The following FES variants were observed in gnomAD, a reference collection of about 807,000 sequenced individuals.
FES encodes FES proto-oncogene, tyrosine kinase, also known as tyrosine-protein kinase Fes/Fps.
In FES, 83 loss-of-function variants were observed where a neutral mutation model predicts 109.6. That is an observed-to-expected ratio of 0.76 (90% confidence interval 0.63 to 0.91). The LOEUF (loss-of-function observed/expected upper bound fraction) is 0.91, where lower values mean the gene tolerates loss of function less well. Among genes scored for constraint, FES ranks in the 40% least tolerant of loss-of-function variants. FES has a pLI of 0.00. For missense variants in FES, 943 were observed against 1,070.9 expected (o/e 0.88, Z 1.67); for synonymous variants, 458 against 442.1 (o/e 1.04, Z -0.45).
rs779639535 is a variant in FES at position 90,887,395 on chromosome 15, G to GC, written c.668+30dup. The GC allele has an allele frequency of 3.2e-6, 5 of 1,585,944 alleles. No individual in the cohort carries two copies. In the African/African-American group the frequency reaches 6.7e-5, roughly 21 times the overall value. On this transcript the variant is annotated intron_variant, in intron 5 of 18. Coordinates refer to ENST00000328850, the MANE Select transcript of FES (RefSeq NM_002005.4). The stretch of plus-strand genomic sequence containing the variant: ...TGTAAGCCCGCAGCCCCGTCCCCTG[G>GC]CCCCCACCCTTGAGCAGCCCTAAGC...
chr15:90,895,634 T>C lies in FES; in HGVS notation c.*76T>C. 7.5e-7 allele frequency: 1 copy of C among 1,337,350 alleles called. No individual in the cohort carries two copies. Among genetic ancestry groups the C allele is most frequent in the Non-Finnish European group, 9.9e-7 (1 of 1,005,068 alleles). 82.8% of individuals were successfully genotyped at this position (1,337,350 alleles called of 1,614,324 possible). On this transcript the variant is annotated 3_prime_UTR_variant, in exon 19 of 19. Coordinates refer to ENST00000328850, the MANE Select transcript of FES (RefSeq NM_002005.4). ...TCCTCAGCGGCTCCAGCTCATATGC[T>C]GACAGCTCTTCACAGTCCTGGACTC... is the stretch of plus-strand genomic sequence containing the variant.
intron 16 of FES, 21 bp downstream of exon 16, chr15:90,893,435 G>A (rs772131167): frequency 1.3e-6 from 2 of 1,526,502 alleles, no homozygotes; most frequent in Admixed American, 2.2e-5. Context: ...GGTGGCCACG[G>A]GCCCTGCCAA....
intron 10 of FES, 86 bp from the exon 11 acceptor site, chr15:90,890,896 A>AG (rs2033149813): frequency 1.5e-6 from 2 of 1,308,674 alleles, no homozygotes; most frequent in Admixed American, 2.0e-5. Flanking sequence ...GAGGGCATAT[A>AG]GGGGGGAGAG....
intron 3 of FES, among the ~76,000 whole-genome samples, chr15:90,885,925 AGTCT>A (rs1450941914): frequency 2.0e-5 from 3 of 151,930 alleles, no homozygotes. Context: ...AATGAGGGTC[AGTCT>A]GTTTGCCTTC....
At position 90,885,074 on chromosome 15, in the gene FES, C is replaced by T. The variant is rs2032437325; in HGVS notation, c.29C>T (p.Pro10Leu). Residue 10 changes from proline (P) to leucine (L), a missense_variant, in exon 2 of 19, where the codon CCC (proline) becomes CTC (leucine). Pro to Leu is a moderately conservative substitution (Grantham distance 98). Transcript: ENST00000328850. MGFSSELCS[P>L]QGHGVLQQMQ... ...GGCTTCTCTTCCGAGCTGTGCAGCC[C>T]CCAGGGCCACGGGGTCCTGCAGCAA... 6.2e-7 allele frequency: 1 copy of T among 1,612,926 alleles called. No homozygotes were observed. The highest frequency in any genetic ancestry group is 1.7e-5 in the Admixed American group (1 of 60,008).
chr15:90,891,805 T>A, intron 12 of FES, 129 bp downstream of exon 12: 1 of 1,379,726 alleles, frequency 7.2e-7, no homozygotes, highest in Non-Finnish European at 9.9e-7. Flanking sequence ...GCAGAGTGAG[T>A]GACCCTCAGG....
chr15:90,890,519 G>A (rs962106027), intron 10 of FES, 35 bp downstream of exon 10: 2 of 1,586,404 alleles, frequency 1.3e-6, no homozygotes, highest in Non-Finnish European at 1.7e-6. Flanking sequence ...CCCTACTGTT[G>A]TGTTTCGAGT....
chr15:90,893,230 C>T (rs760788246), intron 15 of FES, 36 bp downstream of exon 15: 9 of 1,613,340 alleles, frequency 5.6e-6, no homozygotes, highest in Non-Finnish European at 7.6e-6. Context: ...GTAGGGCGCG[C>T]AGCCTGGTCA....
At position 90,890,232 on chromosome 15, in the gene FES, C is replaced by T. The variant is rs200860946; in HGVS notation, c.1190C>T (p.Pro397Leu). ...GAGCACCTGGGCCCCGGCGAGCCCC[C>T]GCCTGTGCTGCTCCTGCAGGATGAC... ...KLEHLGPGEP[P>L]PVLLLQDDRH... The change falls in exon 9 of 19, where the codon CCG (proline) becomes CTG (leucine). Residue 397 changes from proline (P) to leucine (L), a missense_variant. Transcript: ENST00000328850. 1.5e-5 allele frequency: 24 copies of T among 1,599,856 alleles called. No homozygotes were observed. The highest frequency in any genetic ancestry group is 1.1e-4 in the African/African-American group (8 of 74,832).
Position 90,893,650 on chromosome 15 carries a change from C to A in FES, c.2046-4C>A. ...CAAATGAGCCCCTGCCCTGTCTCAC[C>A]CAGGGACCTGGCTGCTCGGAACTGC... On this transcript the variant is annotated splice_polypyrimidine_tract_variant and splice_region_variant and intron_variant, in intron 16 of 18. Transcript: ENST00000328850. 1 of 1,580,054 alleles carries A rather than the reference C, an allele frequency of 6.3e-7. No individual in the cohort carries two copies.
At chr15:90,892,344 G>A (rs2033301138) in intron 13 of FES, 3 of 600,078 alleles carry the variant, frequency 5.0e-6, no homozygotes, top group Non-Finnish European at 5.9e-6. Flanking sequence ...CCCCACCCAG[G>A]CCGCCCCCAT....
chr15:90,892,858 C>T (rs748222014), intron 14 of FES, 33 bp downstream of exon 14: 31 of 1,594,618 alleles, frequency 1.9e-5, no homozygotes, highest in South Asian at 4.4e-5. Context: ...CCACGGGTCC[C>T]GCATACACAG....
rs1567103294 is a variant in FES, at chr15:90,893,638, G to A, written c.2046-16G>A. The A allele has an allele frequency of 1.3e-6, 2 of 1,564,342 alleles. No homozygotes were observed. Among genetic ancestry groups the A allele is most frequent in the Admixed American group, 1.9e-5 (1 of 53,724 alleles). On this transcript the variant is annotated splice_polypyrimidine_tract_variant and intron_variant, in intron 16 of 18. Transcript: ENST00000328850. Reference sequence around the variant, plus strand: ...GCGACTGTTGGCCAAATGAGCCCCTGCCCTGTCTCACCCAGGGACCTGGCT... The same window carrying A: ...GCGACTGTTGGCCAAATGAGCCCCTACCCTGTCTCACCCAGGGACCTGGCT...
At chr15:90,892,885 C>T in intron 14 of FES, 60 bp downstream of exon 14, 1 of 1,522,956 alleles carries the variant, frequency 6.6e-7, no homozygotes, top group Non-Finnish European at 9.1e-7. Context: ...CACTGCATGG[C>T]ACAGTGTGAA....
chr15:90,887,309 C>T lies in FES; in HGVS notation c.607C>T (p.Leu203Phe). The change falls in exon 5 of 19, where the codon CTC becomes TTC. Residue 203 changes from leucine (L) to phenylalanine (F), a missense_variant. Leu to Phe is a conservative substitution (Grantham distance 22). Transcript: ENST00000328850. ...AQLHHQHHHQLLLPGLLRSLQ... is the reference protein window; with the variant it reads ...AQLHHQHHHQFLLPGLLRSLQ... ...GCTACACCACCAGCACCACCACCAG[C>T]TCCTGCTGCCCGGCCTGCTGCGGTC... The T allele has an allele frequency of 6.2e-7, 1 of 1,613,228 alleles. No individual in the cohort carries two copies. The highest frequency in any genetic ancestry group is 8.5e-7 in the Non-Finnish European group (1 of 1,180,030).
chr15:90,890,448 G>C lies in FES; in HGVS notation c.1284G>C (p.Lys428Asn). 1 of 1,613,264 alleles carries C rather than the reference G, an allele frequency of 6.2e-7. No homozygotes were observed. Among genetic ancestry groups the C allele is most frequent in the Non-Finnish European group, 8.5e-7 (1 of 1,179,918 alleles). The change falls in exon 10 of 19, where the codon AAG becomes AAC. Residue 428 changes from lysine to asparagine, a missense_variant. Coordinates refer to ENST00000328850, the MANE Select transcript of FES (RefSeq NM_002005.4). ...GGRTPTLEILKSHISGIFRPK... is the reference protein window; with the variant it reads ...GGRTPTLEILNSHISGIFRPK... ...GGACACCCACGCTGGAGATCCTTAA[G>C]AGCCACATCTCAGGAATCTTCCGCC...
At chr15:90,887,431 G>C in intron 5 of FES, 61 bp downstream of exon 5, 1 of 1,490,866 alleles carries the variant, frequency 6.7e-7, no homozygotes, top group Non-Finnish European at 9.0e-7. Context: ...CCAGCCATCA[G>C]GCCCAGAGGC....
rs911013646 is a variant in FES, at chr15:90,895,202, G to A, written c.2327-214G>A. Reference sequence around the variant, plus strand: ...GATTAATATGTCCCTTTCTCAGATGGAAAAACAGGCTGGCAGAGGGGACAC... The same window carrying A: ...GATTAATATGTCCCTTTCTCAGATGAAAAAACAGGCTGGCAGAGGGGACAC... On this transcript the variant is annotated intron_variant, in intron 18 of 18. Transcript: ENST00000328850. 3.9e-5 allele frequency among the ~76,000 whole-genome samples: 6 copies of A among 152,314 alleles called. No homozygotes were observed. The East Asian group carries it at 1.2e-3, about 29-fold the overall frequency.
chr15:90,893,560 G>A (rs1033131321), intron 16 of FES, 94 bp from the exon 17 acceptor site: 18 of 1,497,812 alleles, frequency 1.2e-5, no homozygotes, highest in South Asian at 6.8e-5. Flanking sequence ...GCCCAGGGCC[G>A]GGAGCAGCTT....
Sources: gnomAD v4.1 joint callset for allele counts (sites outside exome capture counted in the v4.1 genomes callset) on GRCh38, gnomAD v4.1.1 for gene constraint, MANE v1.5 for transcripts, NCBI Gene and HGNC (gene_info 2026-07-23, HGNC 2026-07-21) for gene names.